Variants in CFAP54 observed in about 807,000 individuals in gnomAD.
CFAP54 encodes the protein cilia and flagella associated protein 54.
A neutral mutation model predicts 370.4 loss-of-function variants in CFAP54; 290 were observed. The observed-to-expected ratio is 0.78, with a 90% CI of 0.71 to 0.86. The LOEUF (loss-of-function observed/expected upper bound fraction) is 0.86. Ranked by LOEUF, CFAP54 falls within the 40% of genes least tolerant of loss-of-function variation. The pLI is 0.00. For missense variants in CFAP54, 3,399 were observed against 3,528.7 expected, an observed-to-expected ratio of 0.96 and a Z score of 0.93; for synonymous variants, 1,206 against 1,236.5, an observed-to-expected ratio of 0.98 and a Z score of 0.52.
chr12:96,681,425 A>C (rs1957270511), intron 40 of CFAP54, among the ~76,000 whole-genome samples: 1 of 147,718 alleles, frequency 6.8e-6, no homozygotes, highest in African/African-American at 2.5e-5. Flanking sequence ...CTTCTATCCC[A>C]GAGGTTTCTG....
At chr12:96,741,471 G>T (rs548663319) in intron 51 of CFAP54, among the ~76,000 whole-genome samples, 1 of 152,216 alleles carries the variant, frequency 6.6e-6, no homozygotes, top group Non-Finnish European at 1.5e-5. Flanking sequence ...CATGTTGACT[G>T]CTTACCCTTG....
rs117909644 is a variant in CFAP54, at chr12:96,511,059, G to A, written c.740-1927G>A. On this transcript the variant is annotated intron_variant, in intron 4 of 67. Coordinates refer to ENST00000524981, the MANE Select transcript of CFAP54 (RefSeq NM_001306084.2). ...TGCTGAGCTTGAGCTGTTATTAGTC[G>A]AGTGGTTTCTTCCCCAGTGGATCTT... Among the ~76,000 whole-genome samples the A allele has an allele frequency of 1.1e-3, 165 of 152,096 alleles. 1 individual carries two copies. The East Asian group carries it at 0.029, about 27-fold the overall frequency.
intron 58 of CFAP54, 79 bp downstream of exon 58, chr12:96,757,667 A>G: frequency 2.9e-6 from 2 of 695,650 alleles, no homozygotes; most frequent in Non-Finnish European, 4.6e-6. Context: ...CTATTGAAAT[A>G]ATGAGGCTGA....
chr12:96,515,030 A>T (rs560165022), intron 5 of CFAP54, among the ~76,000 whole-genome samples: 2 of 144,748 alleles, frequency 1.4e-5, no homozygotes, highest in South Asian at 4.3e-4. Context: ...TTTTTTTGAG[A>T]CTGAGTGTTG....
chr12:96,507,185 G>T, intron 4 of CFAP54, 86 bp downstream of exon 4: 4 of 1,013,864 alleles, frequency 3.9e-6, no homozygotes, highest in South Asian at 2.3e-5. Flanking sequence ...AGTACCTTGT[G>T]ATTTAAAACA....
intron 30 of CFAP54, among the ~76,000 whole-genome samples, chr12:96,627,778 T>A (rs1210895625): frequency 6.6e-6 from 1 of 152,236 alleles, no homozygotes; most frequent in Non-Finnish European, 1.5e-5. Context: ...TTAAATTTTT[T>A]AAAAAATAGC....
intron 63 of CFAP54, among the ~76,000 whole-genome samples, chr12:96,798,007 A>G (rs1958784544): frequency 6.6e-6 from 1 of 151,880 alleles, no homozygotes; most frequent in Non-Finnish European, 1.5e-5. Flanking sequence ...TTTAGTGGTT[A>G]CCTTCAGGAC....
intron 1 of CFAP54, among the ~76,000 whole-genome samples, chr12:96,497,595 G>T (rs1400919797): frequency 6.6e-6 from 1 of 152,130 alleles, no homozygotes; most frequent in Admixed American, 6.6e-5. Flanking sequence ...CGTGACCCAT[G>T]GTCATCAATT....
rs138571951 is a variant in CFAP54 at position 96,508,770 on chromosome 12, A to G, written c.739+1671A>G. Among the ~76,000 whole-genome samples the G allele has an allele frequency of 2.7e-5, 4 of 147,514 alleles. No homozygotes were observed. The East Asian group carries it at 6.0e-4, about 22-fold the overall frequency. On this transcript the variant is annotated intron_variant, in intron 4 of 67. Coordinates refer to ENST00000524981, the MANE Select transcript of CFAP54 (RefSeq NM_001306084.2). Reference sequence around the variant, plus strand: ...TTTTAGAATCTAGCTAAGTTCCTGTATGTAAATCTAATTCATTAATTCTGC... The same window carrying G: ...TTTTAGAATCTAGCTAAGTTCCTGTGTGTAAATCTAATTCATTAATTCTGC...
chr12:96,867,464 G>A (rs2136469445), intron 67 of CFAP54, among the ~76,000 whole-genome samples: 1 of 152,244 alleles, frequency 6.6e-6, no homozygotes, highest in East Asian at 1.9e-4. Context: ...TGTGTTCATT[G>A]CAGCATTACT....
At chr12:96,835,728 G>C (rs148766650) in intron 66 of CFAP54, among the ~76,000 whole-genome samples, 82 of 152,228 alleles carry the variant, frequency 5.4e-4, no homozygotes, top group African/African-American at 1.9e-3. Flanking sequence ...GGAGGTTGGA[G>C]TGGGGATCCT....
chr12:96,728,363 G>T (rs1268693631), intron 50 of CFAP54, among the ~76,000 whole-genome samples: 1 of 152,138 alleles, frequency 6.6e-6, no homozygotes, highest in Non-Finnish European at 1.5e-5. Context: ...TTTCTTGGAG[G>T]CTTTGTTTGT....
At chr12:96,800,290 T>C (rs1409794276) in intron 63 of CFAP54, among the ~76,000 whole-genome samples, 1 of 152,170 alleles carries the variant, frequency 6.6e-6, no homozygotes, top group Non-Finnish European at 1.5e-5. Flanking sequence ...GTTTTATCCA[T>C]CAACAGTTGT....
chr12:96,682,077 C>T (rs1277261639), intron 40 of CFAP54: 17 of 795,260 alleles, frequency 2.1e-5, no homozygotes, highest in Non-Finnish European at 2.6e-5. Flanking sequence ...CTCTACCTTC[C>T]CTCCCAACTT....
intron 39 of CFAP54, among the ~76,000 whole-genome samples, chr12:96,666,576 G>A (rs1957083059): frequency 6.6e-6 from 1 of 152,180 alleles, no homozygotes; most frequent in Non-Finnish European, 1.5e-5. Flanking sequence ...GCATGTGCAG[G>A]GGAACTGCCC....
intron 48 of CFAP54, among the ~76,000 whole-genome samples, chr12:96,713,636 G>T (rs964442770): frequency 3.3e-5 from 5 of 152,170 alleles, no homozygotes; most frequent in African/African-American, 1.2e-4. Context: ...TAAAGGCATT[G>T]TGGGTTACAT....
Position 96,542,485 on chromosome 12 carries a change from A to G in CFAP54, c.2077+1498A>G, listed in dbSNP as rs149712315. Among the ~76,000 whole-genome samples, 613 of 152,334 alleles carry G rather than the reference A, an allele frequency of 4.0e-3. 6 individuals carry two copies. The highest frequency in any genetic ancestry group is 0.014 in the African/African-American group (572 of 41,570). ...CCTTTTAAAAACTTTTGTTATGCAGAACTTTAAATATAAGGTGGAGAGAAA... is the reference window on the plus strand; with the variant it reads ...CCTTTTAAAAACTTTTGTTATGCAGGACTTTAAATATAAGGTGGAGAGAAA... On this transcript the variant is annotated intron_variant, in intron 14 of 67. Transcript: ENST00000524981.
chr12:96,825,458 ATATAATATAT>A (rs1405188086), intron 65 of CFAP54, among the ~76,000 whole-genome samples: 2 of 116,330 alleles, frequency 1.7e-5, no homozygotes, highest in African/African-American at 7.4e-5. Context: ...ATTATATATA[ATATAATATAT>A]TATATATATT....
chr12:96,758,717 G>A (rs1409831573), intron 58 of CFAP54, among the ~76,000 whole-genome samples: 1 of 152,218 alleles, frequency 6.6e-6, no homozygotes. Flanking sequence ...CCCCAGCAAA[G>A]AGTTGCAGAG....
Sources: allele counts gnomAD v4.1 joint callset (sites outside exome capture counted in the v4.1 genomes callset), GRCh38; gene constraint gnomAD v4.1.1; transcripts MANE v1.5; gene names NCBI Gene and HGNC (gene_info 2026-07-23, HGNC 2026-07-21).